Variants in STOX2 observed in about 807,000 individuals in gnomAD.
STOX2 encodes the protein storkhead box 2, also known as storkhead-box protein 2.
STOX2 carries 28 observed loss-of-function variants against 60.9 expected under a neutral mutation model. The ratio of observed to expected loss-of-function variants is 0.46; its 90% CI spans 0.34 to 0.63. The LOEUF is 0.63. STOX2 is among the 30% of genes least tolerant of loss of function. The probability of loss-of-function intolerance (pLI) is 0.01; values close to 1 mark genes in which losing one functional copy is unlikely to be tolerated. For missense variants in STOX2, 1,024 were observed against 1,187.7 expected, an observed-to-expected ratio of 0.86 and a Z score of 2.03; for synonymous variants, 472 against 463.9, an observed-to-expected ratio of 1.02 and a Z score of -0.22.
At chr4:183,918,716 C>G (rs1401500589) in intron 1 of STOX2, among the ~76,000 whole-genome samples, 1 of 152,230 alleles carries the variant, frequency 6.6e-6, no homozygotes, top group Non-Finnish European at 1.5e-5. Context: ...AGCACGGCCT[C>G]TGGGTTGCTT....
intron 1 of STOX2, among the ~76,000 whole-genome samples, chr4:183,849,830 T>C (rs1740073878): frequency 6.6e-6 from 1 of 152,236 alleles, no homozygotes; most frequent in South Asian, 2.1e-4. Context: ...TGTATTTATT[T>C]CCATTTCATT....
At chr4:183,907,578 G>A (rs1053642495) in intron 1 of STOX2, among the ~76,000 whole-genome samples, 4 of 152,246 alleles carry the variant, frequency 2.6e-5, no homozygotes, top group Non-Finnish European at 4.4e-5. Context: ...AAAGAATGGA[G>A]GCTGTATCAT....
At chr4:183,993,390 T>C (rs965962552) in intron 1 of STOX2, among the ~76,000 whole-genome samples, 4 of 152,228 alleles carry the variant, frequency 2.6e-5, no homozygotes, top group Admixed American at 6.5e-5. Flanking sequence ...ACTCATTCTT[T>C]TGGGTGCCCT....
At chr4:183,879,772 G>A (rs1740912782) in intron 1 of STOX2, among the ~76,000 whole-genome samples, 1 of 151,994 alleles carries the variant, frequency 6.6e-6, no homozygotes, top group South Asian at 2.1e-4. Context: ...AGCTTTGGAG[G>A]AGGCTTGGGG....
rs183222150 is a variant in STOX2 at position 183,825,641 on chromosome 4, G to A, written c.364+27586G>A. On this transcript the variant is annotated intron_variant, in intron 1 of 2. Coordinates refer to the STOX2 transcript ENST00000513034. The surrounding 1 kb of genome is among the most constrained non-coding windows in gnomAD (Gnocchi z 4.1). ...TCTGTGTCCCAGGACTCGCGGTGAA[G>A]CCCTGAGCATGGGCTTCCATTGTTA... Among the ~76,000 whole-genome samples, 3 of 152,320 alleles carry A rather than the reference G, an allele frequency of 2.0e-5. No individual in the cohort carries two copies. The East Asian group carries it at 5.8e-4, about 29-fold the overall frequency.
intron 1 of STOX2, among the ~76,000 whole-genome samples, chr4:183,885,103 T>A (rs770486400): frequency 6.6e-6 from 1 of 152,158 alleles, no homozygotes; most frequent in African/African-American, 2.4e-5. Context: ...TTCTGGTAAT[T>A]GGGGCCACAG....
chr4:184,002,845 G>A (rs950852467), intron 2 of STOX2, among the ~76,000 whole-genome samples: 1 of 152,112 alleles, frequency 6.6e-6, no homozygotes, highest in Non-Finnish European at 1.5e-5. Flanking sequence ...CCCGAGGAAC[G>A]TTTTCTCCTT....
At position 183,865,147 on chromosome 4, in the gene STOX2, G is replaced by A. The variant is rs1479107797; in HGVS notation, c.364+67092G>A. 6.6e-6 allele frequency among the ~76,000 whole-genome samples: 1 copy of A among 152,194 alleles called. No homozygotes were observed. Among genetic ancestry groups the A allele is most frequent in the Admixed American group, 6.5e-5 (1 of 15,286 alleles). ...GCCTATGGTTTATCACATATGTACT[G>A]TCTCTGCTACTTGAGGCTCACACCT... is the stretch of plus-strand genomic sequence containing the variant. On this transcript the variant is annotated intron_variant, in intron 1 of 2. Coordinates refer to the STOX2 transcript ENST00000513034. This position sits in a 1 kb window ranked among gnomAD's most constrained non-coding sequence, Gnocchi z 4.1.
chr4:183,898,531 G>C (rs560192812), intron 1 of STOX2, among the ~76,000 whole-genome samples: 2 of 152,312 alleles, frequency 1.3e-5, no homozygotes, highest in Admixed American at 1.3e-4. Context: ...GGGTTGGTGA[G>C]AGTTATTTGG....
intron 1 of STOX2, among the ~76,000 whole-genome samples, chr4:183,893,770 A>T (rs115396405): frequency 1.3e-5 from 2 of 152,176 alleles, no homozygotes; most frequent in Non-Finnish European, 2.9e-5. Flanking sequence ...CTTAAAAAAA[A>T]ACAAAAAACT....
rs35753992 is a variant in STOX2, at chr4:183,860,442, C to CAAAAAAAAAAAAAAAAAAAAAAAAAAAAA, written c.364+62403_364+62404insAAAAAAAAAAAAAAAAAAAAAAAAAAAAA. On this transcript the variant is annotated intron_variant, in intron 1 of 2. Transcript: ENST00000513034. Reference sequence around the variant, plus strand: ...AACAAAACAAACAAAAAACAAAAAACAAAAAAAAAAAAAAAAGAAGAAAAA... The same window carrying CAAAAAAAAAAAAAAAAAAAAAAAAAAAAA: ...AACAAAACAAACAAAAAACAAAAAACAAAAAAAAAAAAAAAAAAAAAAAAAAAAAAAAAAAAAAAAAAAAAGAAGAAAAA... 6.9e-4 allele frequency among the ~76,000 whole-genome samples: 84 copies of CAAAAAAAAAAAAAAAAAAAAAAAAAAAAA among 121,460 alleles called. 1 individual carries two copies. Among genetic ancestry groups the CAAAAAAAAAAAAAAAAAAAAAAAAAAAAA allele is most frequent in the East Asian group, 1.7e-3 (7 of 4,234 alleles). The allele number at this position is 121,460 out of a possible 152,430, so 79.7% of individuals were successfully genotyped here.
At chr4:183,854,184 A>T (rs1334568029) in intron 1 of STOX2, among the ~76,000 whole-genome samples, 1 of 152,252 alleles carries the variant, frequency 6.6e-6, no homozygotes, top group Non-Finnish European at 1.5e-5. Flanking sequence ...CGTCAAACAC[A>T]TATAAGTGTC....
At chr4:183,845,452 A>G (rs1180323717) in intron 1 of STOX2, among the ~76,000 whole-genome samples, 1 of 152,228 alleles carries the variant, frequency 6.6e-6, no homozygotes, top group African/African-American at 2.4e-5. Context: ...ATGGAAAAGA[A>G]ACACATCTTC....
At chr4:183,955,658 G>A (rs752040107) in intron 1 of STOX2, among the ~76,000 whole-genome samples, 5 of 152,124 alleles carry the variant, frequency 3.3e-5, no homozygotes, top group East Asian at 1.9e-4. Context: ...TTTATTTCCC[G>A]ATTTTGCTGG....
intron 1 of STOX2, among the ~76,000 whole-genome samples, chr4:183,929,768 G>A (rs1474523055): frequency 6.6e-6 from 1 of 152,172 alleles, no homozygotes; most frequent in Non-Finnish European, 1.5e-5. Context: ...TATTTCTGAG[G>A]TACAACAGCT....
chr4:183,825,129 G>A lies in STOX2; in HGVS notation c.364+27074G>A, dbSNP rs1739391790. ...AAGACACTTGCTGAAAAGAGGCAGA[G>A]CTAGGACTGAGCATCCAAGGTCACC... On this transcript the variant is annotated intron_variant, in intron 1 of 2. Coordinates refer to the STOX2 transcript ENST00000513034. This position sits in a 1 kb window ranked among gnomAD's most constrained non-coding sequence, Gnocchi z 4.1. Among the ~76,000 whole-genome samples the A allele has an allele frequency of 2.0e-5, 3 of 152,202 alleles. No individual in the cohort carries two copies. Among genetic ancestry groups the A allele is most frequent in the African/African-American group, 7.2e-5 (3 of 41,454 alleles).
intron 1 of STOX2, among the ~76,000 whole-genome samples, chr4:183,919,323 G>C (rs1742024533): frequency 6.6e-6 from 1 of 152,236 alleles, no homozygotes; most frequent in South Asian, 2.1e-4. Flanking sequence ...GCAGCCATGT[G>C]CTTGCAAGGC....
At position 184,018,681 on chromosome 4, in the gene STOX2, T is replaced by G. The variant is rs1734468900; in HGVS notation, c.*1397T>G. On this transcript the variant is annotated 3_prime_UTR_variant, in exon 4 of 4. Coordinates refer to ENST00000308497, the MANE Select transcript of STOX2 (RefSeq NM_020225.3). ...CCAAATGGTTTGTTAACATTTTGCTTTGGTTTACAATGTCATGTTGAACAC... is the reference window on the plus strand; with the variant it reads ...CCAAATGGTTTGTTAACATTTTGCTGTGGTTTACAATGTCATGTTGAACAC... The G allele has an allele frequency of 6.6e-6, 1 of 152,224 alleles. No individual in the cohort carries two copies. Among genetic ancestry groups the G allele is most frequent in the South Asian group, 2.1e-4 (1 of 4,824 alleles). 9.4% of individuals were successfully genotyped at this position (152,224 alleles called of 1,614,324 possible).
intron 1 of STOX2, among the ~76,000 whole-genome samples, chr4:183,970,526 G>A (rs568877895): frequency 2.6e-5 from 4 of 152,216 alleles, no homozygotes; most frequent in Non-Finnish European, 2.9e-5. Context: ...GCCCCCGACC[G>A]GACCCTTGCC....
Sources: gnomAD v4.1 joint callset for allele counts (sites outside exome capture counted in the v4.1 genomes callset) on GRCh38, gnomAD v4.1.1 for gene constraint, Gnocchi (gnomAD v3.1) non-coding constraint, MANE v1.5 for transcripts, NCBI Gene and HGNC (gene_info 2026-07-23, HGNC 2026-07-21) for gene names.